The following EFNA5 variants were observed in gnomAD, a reference collection of about 807,000 sequenced individuals.
EFNA5 encodes ephrin A5, also known as ephrin-A5.
Under a neutral mutation model 22.9 loss-of-function variants are expected in EFNA5, and 5 were observed. The observed-to-expected ratio is 0.22, with a 90% CI of 0.11 to 0.46. EFNA5 has a LOEUF of 0.46. Among genes scored for constraint, EFNA5 ranks in the 20% least tolerant of loss-of-function variants. EFNA5 has a pLI of 0.99. For missense variants in EFNA5, 237 were observed against 293.3 expected (o/e 0.81, Z 1.40); for synonymous variants, 113 against 112.2 (o/e 1.01, Z -0.04).
intron 2 of EFNA5, among the ~76,000 whole-genome samples, chr5:107,395,221 T>A (rs1333175033): frequency 1.2e-4 from 18 of 151,834 alleles, no homozygotes. Flanking sequence ...GTACTTTTAG[T>A]AGAAACGGGG....
intron 1 of EFNA5, among the ~76,000 whole-genome samples, chr5:107,456,485 G>T (rs1377314939): frequency 1.3e-5 from 2 of 152,120 alleles, no homozygotes; most frequent in Non-Finnish European, 2.9e-5. Flanking sequence ...CTAGGTAAAG[G>T]TGTAAAAAGT....
In EFNA5 at chr5:107,577,125, AG is replaced by A. The variant is rs1197327712; in HGVS notation, c.125+93363del. ...CAGATCAGATTGTGAAATGTAAATC[AG>A]AATACCTTTCACCTGCAAAATGACT... On this transcript the variant is annotated intron_variant, in intron 1 of 4. Transcript: ENST00000333274. Among the ~76,000 whole-genome samples the A allele has an allele frequency of 2.6e-5, 4 of 152,350 alleles. No individual in the cohort carries two copies. The East Asian group carries it at 7.7e-4, about 29-fold the overall frequency.
chr5:107,623,057 A>AAAAAAC (rs1750072140), intron 1 of EFNA5, among the ~76,000 whole-genome samples: 1 of 149,928 alleles, frequency 6.7e-6, no homozygotes, highest in Non-Finnish European at 1.5e-5. Context: ...AAAAAAAAAA[A>AAAAAAC]AGTTGAATAC....
chr5:107,580,648 G>A (rs555209546), intron 1 of EFNA5, among the ~76,000 whole-genome samples: 29 of 150,212 alleles, frequency 1.9e-4, no homozygotes, highest in African/African-American at 6.4e-4. Flanking sequence ...GCGTGAACTC[G>A]GGAGGCGGAG....
chr5:107,592,362 T>G (rs1291022507), intron 1 of EFNA5, among the ~76,000 whole-genome samples: 1 of 151,916 alleles, frequency 6.6e-6, no homozygotes, highest in Non-Finnish European at 1.5e-5. Flanking sequence ...GTATATAAAT[T>G]TGACCAAGAA....
intron 1 of EFNA5, among the ~76,000 whole-genome samples, chr5:107,600,490 CTTT>C (rs760418289): frequency 2.1e-5 from 3 of 144,158 alleles, no homozygotes; most frequent in Non-Finnish European, 4.6e-5. Flanking sequence ...AAATGTTTCT[CTTT>C]TTTTTTTTTT....
At position 107,548,551 on chromosome 5, in the gene EFNA5, A is replaced by G. The variant is rs145947436; in HGVS notation, c.126-121042T>C. Among the ~76,000 whole-genome samples, 163 of 152,348 alleles carry G rather than the reference A, an allele frequency of 1.1e-3. 1 individual carries two copies. The highest frequency in any genetic ancestry group is 3.8e-3 in the African/African-American group (160 of 41,590). On this transcript the variant is annotated intron_variant, in intron 1 of 4. Transcript: ENST00000333274. ...ACAGGTAAAACTTGAAATTTGGGAAATACGTGCTTGGATTCCTGTTGTACA... is the reference window on the plus strand; with the variant it reads ...ACAGGTAAAACTTGAAATTTGGGAAGTACGTGCTTGGATTCCTGTTGTACA...
At chr5:107,630,465 T>TA (rs1379264170) in intron 1 of EFNA5, among the ~76,000 whole-genome samples, 1 of 152,166 alleles carries the variant, frequency 6.6e-6, no homozygotes, top group Non-Finnish European at 1.5e-5. Context: ...TAAATGTATC[T>TA]AAACATAGAA....
At chr5:107,468,546 C>A (rs1181847743) in intron 1 of EFNA5, among the ~76,000 whole-genome samples, 1 of 152,190 alleles carries the variant, frequency 6.6e-6, no homozygotes, top group Non-Finnish European at 1.5e-5. Context: ...GAAGGAGGCA[C>A]TCCTAGCCTG....
At chr5:107,472,438 GTT>G (rs1242567182) in intron 1 of EFNA5, among the ~76,000 whole-genome samples, 1 of 152,168 alleles carries the variant, frequency 6.6e-6, no homozygotes, top group Non-Finnish European at 1.5e-5. Context: ...ACTAGAAGTT[GTT>G]AGTAAAGGTC....
chr5:107,604,275 G>A (rs912675565), intron 1 of EFNA5, among the ~76,000 whole-genome samples: 1 of 152,048 alleles, frequency 6.6e-6, no homozygotes, highest in African/African-American at 2.4e-5. Context: ...GAACTCCTGG[G>A]CTCAAGCAAT....
intron 1 of EFNA5, among the ~76,000 whole-genome samples, chr5:107,440,346 T>C (rs897508161): frequency 1.3e-5 from 2 of 152,206 alleles, no homozygotes; most frequent in African/African-American, 4.8e-5. Flanking sequence ...GTTGTTTTTC[T>C]TTTTCCACCT....
At chr5:107,610,246 CAG>C (rs1297354367) in intron 1 of EFNA5, among the ~76,000 whole-genome samples, 1 of 152,186 alleles carries the variant, frequency 6.6e-6, no homozygotes, top group East Asian at 1.9e-4. Context: ...ATAAAGAATT[CAG>C]AGTTTTCCAT....
intron 1 of EFNA5, among the ~76,000 whole-genome samples, chr5:107,515,362 T>TTTTTTA (rs71624878): frequency 7.1e-6 from 1 of 141,320 alleles, no homozygotes; most frequent in Non-Finnish European, 1.5e-5. Flanking sequence ...TATTTTTTAT[T>TTTTTTA]TTATTATTAT....
intron 4 of EFNA5, among the ~76,000 whole-genome samples, chr5:107,384,537 C>T (rs1303527870): frequency 2.0e-5 from 3 of 152,080 alleles, no homozygotes; most frequent in Non-Finnish European, 4.4e-5. Flanking sequence ...GGGTCTACAC[C>T]CAGAGCTGGG....
chr5:107,429,609 G>A (rs1215762994), intron 1 of EFNA5, among the ~76,000 whole-genome samples: 1 of 152,162 alleles, frequency 6.6e-6, no homozygotes, highest in Non-Finnish European at 1.5e-5. Context: ...TGTTGGTTGA[G>A]TGGGAGAGTC....
At chr5:107,607,842 C>T (rs191802267) in intron 1 of EFNA5, among the ~76,000 whole-genome samples, 1 of 152,252 alleles carries the variant, frequency 6.6e-6, no homozygotes, top group African/African-American at 2.4e-5. Flanking sequence ...ATAAAAAGAC[C>T]TGGACCAGAC....
chr5:107,670,590 C>T lies in EFNA5; in HGVS notation c.24G>A (p.Thr8=), dbSNP rs756694630. 3.1e-6 allele frequency: 5 copies of T among 1,604,114 alleles called. No homozygotes were observed. The highest frequency in any genetic ancestry group is 2.3e-5 in the East Asian group (1 of 43,894). ...ACATCCAGAGCACCAGAAACACCAG[C>T]GTCAACATCTCCACGTGCAACATCA... MLHVEML[T]LVFLVLWMCV... is the part of the protein sequence containing the mutation. Residue 8 remains threonine (T), a synonymous_variant, in exon 1 of 5, where the codon ACG becomes ACA. Coordinates refer to ENST00000333274, the MANE Select transcript of EFNA5 (RefSeq NM_001962.3).
At chr5:107,555,023 G>A (rs1208308280) in intron 1 of EFNA5, among the ~76,000 whole-genome samples, 2 of 152,172 alleles carry the variant, frequency 1.3e-5, no homozygotes, top group African/African-American at 4.8e-5. Context: ...ATCTGGAGCT[G>A]TGCCTCAGCA....
Sources: gnomAD v4.1 joint callset for allele counts (sites outside exome capture counted in the v4.1 genomes callset) on GRCh38, gnomAD v4.1.1 for gene constraint, MANE v1.5 for transcripts, NCBI Gene and HGNC (gene_info 2026-07-23, HGNC 2026-07-21) for gene names.